MPHOSPH9: variants seen among roughly 807,000 people sequenced by gnomAD.
MPHOSPH9 encodes the protein M-phase phosphoprotein 9.
Under a neutral mutation model 145.5 loss-of-function variants are expected in MPHOSPH9, and 88 were observed. The ratio of observed to expected loss-of-function variants is 0.60; its 90% CI spans 0.51 to 0.72. The LOEUF (loss-of-function observed/expected upper bound fraction) is 0.72. Ranked by LOEUF, MPHOSPH9 falls within the 30% of genes least tolerant of loss-of-function variation. The probability of loss-of-function intolerance (pLI) is 0.00; values close to 1 mark genes in which losing one functional copy is unlikely to be tolerated. For missense variants in MPHOSPH9, 1,238 were observed against 1,386.6 expected (o/e 0.89, Z 1.70); for synonymous variants, 435 against 486.2 (o/e 0.89, Z 1.39).
At chr12:123,169,001 C>A (rs1231396611) in intron 16 of MPHOSPH9, among the ~76,000 whole-genome samples, 3 of 151,640 alleles carry the variant, frequency 2.0e-5, no homozygotes, top group Non-Finnish European at 2.9e-5. Flanking sequence ...TCTACTGCTT[C>A]AGACTCCCGA....
chr12:123,196,536 A>G (rs2045954203), intron 12 of MPHOSPH9, among the ~76,000 whole-genome samples: 1 of 152,164 alleles, frequency 6.6e-6, no homozygotes, highest in African/African-American at 2.4e-5. Context: ...CCTTATACCA[A>G]AAGATTGGGA....
chr12:123,239,192 C>T (rs1442995402), intron 1 of MPHOSPH9, among the ~76,000 whole-genome samples: 2 of 152,146 alleles, frequency 1.3e-5, no homozygotes, highest in Non-Finnish European at 2.9e-5. Flanking sequence ...TGGCTAGAGC[C>T]TGGAAGGCAG....
At chr12:123,168,144 C>T (rs954035699) in intron 16 of MPHOSPH9, among the ~76,000 whole-genome samples, 2 of 152,110 alleles carry the variant, frequency 1.3e-5, no homozygotes, top group African/African-American at 4.8e-5. Flanking sequence ...GAAGTCCACA[C>T]TCACGATACT....
intron 1 of MPHOSPH9, chr12:123,240,737 T>C (rs1177581546): frequency 6.8e-6 from 1 of 147,306 alleles, no homozygotes; most frequent in African/African-American, 2.5e-5. Flanking sequence ...CTTTTTTTTT[T>C]TTTTTTTTTT....
At position 123,164,093 on chromosome 12, in the gene MPHOSPH9, ACAG is replaced by A. The variant is rs1422484184; in HGVS notation, c.2768-6_2768-4del. Reference sequence around the variant, plus strand: ...AGTTTCAGTTTGCCGAGGATTTACTACAGCAGACCAAAAAAAAGCAAAACAAAA... The same window carrying A: ...AGTTTCAGTTTGCCGAGGATTTACTACAGACCAAAAAAAAGCAAAACAAAA... On this transcript the variant is annotated splice_region_variant and splice_polypyrimidine_tract_variant and intron_variant, in intron 18 of 23. Transcript: ENST00000606320. 1.2e-6 allele frequency: 2 copies of A among 1,613,636 alleles called. No individual in the cohort carries two copies. The highest frequency in any genetic ancestry group is 1.7e-6 in the Non-Finnish European group (2 of 1,179,904).
At chr12:123,202,349 T>C (rs767913896) in intron 10 of MPHOSPH9, 30 bp from the exon 11 acceptor site, 3 of 1,554,220 alleles carry the variant, frequency 1.9e-6, no homozygotes, top group African/African-American at 2.8e-5. Flanking sequence ...AAATATATAT[T>C]AGGAAAGCTA....
At chr12:123,163,498 C>A in intron 19 of MPHOSPH9, 3 of 201,116 alleles carry the variant, frequency 1.5e-5, no homozygotes, top group South Asian at 1.5e-4. Context: ...GACAGGAATT[C>A]AATGCTTCAA....
At position 123,230,425 on chromosome 12, in the gene MPHOSPH9, A is replaced by G; in HGVS notation, c.-61T>C. 1.0e-6 allele frequency: 1 copy of G among 992,558 alleles called. No individual in the cohort carries two copies. The highest frequency in any genetic ancestry group is 1.4e-6 in the Non-Finnish European group (1 of 691,442). 61.5% of individuals were successfully genotyped at this position (992,558 alleles called of 1,614,324 possible). ...ATAAAGGTTCTTGGGCTGTTTGAGA[A>G]AAATGAATCCGTGTCATCTTCAGAG... On this transcript the variant is annotated 5_prime_UTR_variant, in exon 2 of 24. Coordinates refer to ENST00000606320, the MANE Select transcript of MPHOSPH9 (RefSeq NM_022782.4).
rs1388522196 is a variant in MPHOSPH9 at position 123,233,137 on chromosome 12, G to C, written c.-221C>G. 4.4e-5 allele frequency: 4 copies of C among 91,184 alleles called. No homozygotes were observed. The highest frequency in any genetic ancestry group is 1.3e-4 in the Non-Finnish European group (4 of 30,726). The allele number at this position is 91,184 out of a possible 1,614,324, so 5.6% of individuals were successfully genotyped here. A position where few individuals can be genotyped will look rare whatever the true frequency, so the allele number is the denominator to read the frequency against. ...AAGCGGCCTCTCGCGACCGTTACCC[G>C]AGGGAGCGCGCGCGCGCCCGGCGTC... On this transcript the variant is annotated 5_prime_UTR_variant, in exon 1 of 24. Coordinates refer to ENST00000606320, the MANE Select transcript of MPHOSPH9 (RefSeq NM_022782.4).
At chr12:123,169,292 G>A (rs1001526353) in intron 16 of MPHOSPH9, among the ~76,000 whole-genome samples, 7 of 150,142 alleles carry the variant, frequency 4.7e-5, no homozygotes, top group East Asian at 2.2e-4. Context: ...TCAGGAGCTC[G>A]AGACCACCCT....
At chr12:123,210,016 G>C in intron 8 of MPHOSPH9, 40 bp downstream of exon 8, 1 of 1,465,746 alleles carries the variant, frequency 6.8e-7, no homozygotes, top group Middle Eastern at 1.8e-4. Context: ...GATTACAGGC[G>C]TAAGCCACCG....
chr12:123,227,394 T>C, intron 3 of MPHOSPH9, 69 bp downstream of exon 3: 6 of 1,162,226 alleles, frequency 5.2e-6, no homozygotes, highest in Non-Finnish European at 6.8e-6. Context: ...TCTAATAATT[T>C]AGAGTTTAGT....
chr12:123,242,899 G>A (rs1157694895), intron 1 of MPHOSPH9, among the ~76,000 whole-genome samples: 1 of 152,152 alleles, frequency 6.6e-6, no homozygotes, highest in African/African-American at 2.4e-5. Flanking sequence ...GAAGTGCGGG[G>A]CTCATGTTCC....
At chr12:123,238,190 G>A (rs531300572) in intron 1 of MPHOSPH9, among the ~76,000 whole-genome samples, 38 of 152,156 alleles carry the variant, frequency 2.5e-4, no homozygotes, top group African/African-American at 8.4e-4. Flanking sequence ...ACCACACCCA[G>A]CCCCAAAACA....
At chr12:123,196,591 GT>G (rs2045957595) in intron 12 of MPHOSPH9, among the ~76,000 whole-genome samples, 1 of 152,092 alleles carries the variant, frequency 6.6e-6, no homozygotes, top group South Asian at 2.1e-4. Context: ...AAAGTTACCT[GT>G]AAAAAAATAA....
rs749979127 is a variant in MPHOSPH9 at position 123,218,482 on chromosome 12, CATG to C, written c.887_889del (p.Ser296del). ...TTGGTTCTGCTTCAGTTTTTGTGCC[CATG>C]ATGTTATAGCATTACTATTTAAGAA... On this transcript the variant is annotated inframe_deletion, in exon 6 of 24. Transcript: ENST00000606320. 6.2e-7 allele frequency: 1 copy of C among 1,613,686 alleles called. No homozygotes were observed. The highest frequency in any genetic ancestry group is 1.6e-4 in the Middle Eastern group (1 of 6,062).
chr12:123,236,828 C>G (rs1474203089), upstream of MPHOSPH9, among the ~76,000 whole-genome samples: 1 of 152,062 alleles, frequency 6.6e-6, no homozygotes, highest in African/African-American at 2.4e-5. Flanking sequence ...GTGGCTCACA[C>G]CTCTCAGCAC....
At chr12:123,215,978 C>CTA (rs2046938388) in intron 6 of MPHOSPH9, among the ~76,000 whole-genome samples, 1 of 152,116 alleles carries the variant, frequency 6.6e-6, no homozygotes, top group African/African-American at 2.4e-5. Context: ...TGGCTCACGC[C>CTA]TATAATCCCA....
At chr12:123,234,589 G>A (rs2047806581), upstream of MPHOSPH9, among the ~76,000 whole-genome samples, 1 of 152,082 alleles carries the variant, frequency 6.6e-6, no homozygotes, top group South Asian at 2.1e-4. Context: ...TAGAGACGGG[G>A]TTTTGCCATA....
Sources: gnomAD v4.1 joint callset for allele counts (sites outside exome capture counted in the v4.1 genomes callset) on GRCh38, gnomAD v4.1.1 for gene constraint, MANE v1.5 for transcripts, NCBI Gene and HGNC (gene_info 2026-07-23, HGNC 2026-07-21) for gene names.